DKK1: variants seen among roughly 807,000 people sequenced by gnomAD.
DKK1 encodes the protein dickkopf-related protein 1.
In DKK1, 18 loss-of-function variants were observed where a neutral mutation model predicts 26.0. The ratio of observed to expected loss-of-function variants is 0.69; its 90% CI spans 0.48 to 1.03. The LOEUF (loss-of-function observed/expected upper bound fraction) is 1.03, where lower values mean the gene tolerates loss of function less well. DKK1 is among the 50% of genes least tolerant of loss of function. The pLI, the probability that DKK1 is intolerant of heterozygous loss-of-function variation, is 0.00. For synonymous variants in DKK1, 130 were observed against 132.6 expected, an observed-to-expected ratio of 0.98 and a Z score of 0.13; for missense variants, 335 against 348.5, an observed-to-expected ratio of 0.96 and a Z score of 0.31.
chr10:52,315,409 G>A (rs1334115501), intron 2 of DKK1: 2 of 241,220 alleles, frequency 8.3e-6, no homozygotes, highest in Non-Finnish European at 1.6e-5. Context: ...GAGGTCAATT[G>A]AGAAGGGGGA....
intron 2 of DKK1, 56 bp downstream of exon 2, chr10:52,315,141 G>A: frequency 1.0e-6 from 1 of 957,632 alleles, no homozygotes; most frequent in Non-Finnish European, 1.4e-6. Flanking sequence ...GAGCGTCTAT[G>A]AATTGGGCGG....
intron 2 of DKK1, 70 bp downstream of exon 2, chr10:52,315,155 CG>C (rs1408824048): frequency 3.6e-3 from 13 of 3,644 alleles, no homozygotes; most frequent in African/African-American, 0.018. Context: ...TGGGCGGGGG[CG>C]GGGGGTTGGG....
At chr10:52,316,133 T>G (rs1423970554) in intron 2 of DKK1, among the ~76,000 whole-genome samples, 162 bp from the exon 3 acceptor site, 1 of 152,160 alleles carries the variant, frequency 6.6e-6, no homozygotes, top group Non-Finnish European at 1.5e-5. Flanking sequence ...ATCTGGAGAG[T>G]TTTGCATTAA....
In DKK1 at chr10:52,316,762, T is replaced by A. The variant is rs150770986; in HGVS notation, c.756T>A (p.His252Gln). 2.4e-5 allele frequency: 38 copies of A among 1,614,050 alleles called. No homozygotes were observed. The African/African-American group carries it at 4.4e-4, about 19-fold the overall frequency. Residue 252 changes from histidine (H) to glutamine (Q), a missense_variant, in exon 4 of 4, where the codon CAT (histidine) becomes CAA (glutamine). Physicochemically the swap from His to Gln is conservative, Grantham distance 24 (BLOSUM62 0). Coordinates refer to ENST00000373970, the MANE Select transcript of DKK1 (RefSeq NM_012242.4). ...CTTGCCGGATACAGAAAGATCACCA[T>A]CAAGCCAGTAATTCTTCTAGGCTTC... ...GLSCRIQKDH[H>Q]QASNSSRLHT... is the part of the protein sequence containing the mutation.
Position 52,314,921 on chromosome 10 carries a change from A to G in DKK1, c.244-2A>G. 1 of 1,515,998 alleles carries G rather than the reference A, an allele frequency of 6.6e-7. No homozygotes were observed. Among genetic ancestry groups the G allele is most frequent in the Non-Finnish European group, 8.9e-7 (1 of 1,127,086 alleles). 93.9% of individuals were successfully genotyped at this position (1,515,998 alleles called of 1,614,324 possible). A position where few individuals can be genotyped will look rare whatever the true frequency, so the allele number is the denominator to read the frequency against. Reference sequence around the variant, plus strand: ...CACCCTCTCCCCGAACCCTTCCCACAGCCGTACCCGTGCGCAGAGGACGAG... The same window carrying G: ...CACCCTCTCCCCGAACCCTTCCCACGGCCGTACCCGTGCGCAGAGGACGAG... On this transcript the variant is annotated splice_acceptor_variant, in intron 1 of 3. Transcript: ENST00000373970. LOFTEE classifies it high-confidence loss of function. This position sits in a 1 kb window ranked among gnomAD's most constrained non-coding sequence, Gnocchi z 5.7.
In DKK1 at chr10:52,314,306, A is replaced by T. The variant is rs1444045328; in HGVS notation, c.-129A>T. 5.0e-6 allele frequency: 7 copies of T among 1,393,302 alleles called. No homozygotes were observed. Among genetic ancestry groups the T allele is most frequent in the Non-Finnish European group, 6.8e-6 (7 of 1,021,900 alleles). The allele number at this position is 1,393,302 out of a possible 1,614,324, so 86.3% of individuals were successfully genotyped here. ...GCAGAGCTCTGTGCTCCCTGCAGTC[A>T]GGACTCTGGGACCGCAGGGGGCTCC... is the stretch of plus-strand genomic sequence containing the variant. On this transcript the variant is annotated 5_prime_UTR_variant, in exon 1 of 4. Coordinates refer to ENST00000373970, the MANE Select transcript of DKK1 (RefSeq NM_012242.4). This position sits in a 1 kb window ranked among gnomAD's most constrained non-coding sequence, Gnocchi z 5.7.
In DKK1 at chr10:52,314,609, G is replaced by T. The variant is rs756819696; in HGVS notation, c.175G>T (p.Ala59Ser). 1.2e-6 allele frequency: 2 copies of T among 1,613,352 alleles called. No individual in the cohort carries two copies. Among genetic ancestry groups the T allele is most frequent in the Non-Finnish European group, 1.7e-6 (2 of 1,179,980 alleles). ...LGGAAGHPGS[A>S]VSAAPGILYP... ...CGGCGCTGCGGGGCACCCAGGCTCT[G>T]CAGTCAGCGCCGCGCCGGGAATCCT... The change falls in exon 1 of 4, where the codon GCA (alanine) becomes TCA (serine). Residue 59 changes from alanine (A) to serine (S), a missense_variant. Physicochemically the swap from Ala to Ser is moderately conservative, Grantham distance 99. Coordinates refer to ENST00000373970, the MANE Select transcript of DKK1 (RefSeq NM_012242.4). This position sits in a 1 kb window ranked among gnomAD's most constrained non-coding sequence, Gnocchi z 5.7.
chr10:52,316,513 A>G lies in DKK1; in HGVS notation c.548-41A>G, dbSNP rs781505608. ...TTTAGTGAAACGATGCAGGTTTAAC[A>G]GTAACTATGTACTTTTTTCCTACTG... On this transcript the variant is annotated intron_variant, in intron 3 of 3. Coordinates refer to ENST00000373970, the MANE Select transcript of DKK1 (RefSeq NM_012242.4). The G allele has an allele frequency of 2.9e-5, 46 of 1,611,730 alleles. No individual in the cohort carries two copies. The South Asian group carries it at 4.1e-4, about 14-fold the overall frequency.
Position 52,316,705 on chromosome 10 carries a change from A to G in DKK1, c.699A>G (p.Ile233Met). Residue 233 changes from isoleucine (I) to methionine (M), a missense_variant, in exon 4 of 4, where the codon ATA (isoleucine) becomes ATG (methionine). Ile to Met is a conservative substitution (Grantham distance 10). Transcript: ENST00000373970. ...HRRKGSHGLE[I>M]FQRCYCGEGL... ...GAAAAGGCTCTCATGGACTAGAAAT[A>G]TTCCAGCGTTGTTACTGTGGAGAAG... is the stretch of plus-strand genomic sequence containing the variant. The G allele has an allele frequency of 6.2e-7, 1 of 1,614,180 alleles. No individual in the cohort carries two copies. The highest frequency in any genetic ancestry group is 8.5e-7 in the Non-Finnish European group (1 of 1,180,012).
At chr10:52,315,414 G>C (rs1304704347) in intron 2 of DKK1, 1 of 234,654 alleles carries the variant, frequency 4.3e-6, no homozygotes, top group East Asian at 8.5e-5. Context: ...CAATTGAGAA[G>C]GGGGATGATG....
chr10:52,314,728 T>A lies in DKK1; in HGVS notation c.243+51T>A. 6.3e-7 allele frequency: 1 copy of A among 1,594,854 alleles called. No homozygotes were observed. Among genetic ancestry groups the A allele is most frequent in the Non-Finnish European group, 8.6e-7 (1 of 1,169,398 alleles). ...ATGCTCTGACCTTGAAAGGGTCCTA[T>A]CTGGAGACGAGGGAGTAGAACGTGC... is the stretch of plus-strand genomic sequence containing the variant. On this transcript the variant is annotated intron_variant, in intron 1 of 3. Coordinates refer to ENST00000373970, the MANE Select transcript of DKK1 (RefSeq NM_012242.4). This position sits in a 1 kb window ranked among gnomAD's most constrained non-coding sequence, Gnocchi z 5.7.
At chr10:52,316,214 C>A in intron 2 of DKK1, 81 bp from the exon 3 acceptor site, 1 of 1,525,612 alleles carries the variant, frequency 6.6e-7, no homozygotes, top group South Asian at 1.2e-5. Context: ...TTGATGCTGG[C>A]ATAACAGACT....
chr10:52,314,835 G>C lies in DKK1; in HGVS notation c.244-88G>C. ...GTAACAGGTTTTGGAGAGGTGGACA[G>C]ATAAGGACTGTGATCAGCGCCCGGG... On this transcript the variant is annotated intron_variant, in intron 1 of 3. Transcript: ENST00000373970. The surrounding 1 kb of genome is among the most constrained non-coding windows in gnomAD (Gnocchi z 5.7). 6.8e-7 allele frequency: 1 copy of C among 1,467,804 alleles called. No individual in the cohort carries two copies. 90.9% of individuals were successfully genotyped at this position (1,467,804 alleles called of 1,614,324 possible). A position where few individuals can be genotyped will look rare whatever the true frequency, so the allele number is the denominator to read the frequency against.
intron 2 of DKK1, among the ~76,000 whole-genome samples, chr10:52,315,778 C>G (rs1842611018): frequency 1.3e-5 from 2 of 152,172 alleles, no homozygotes; most frequent in South Asian, 4.1e-4. Flanking sequence ...CGACGACCCT[C>G]CTTAGGACCC....
rs1028755596 is a variant in DKK1, at chr10:52,317,522, C to T, written c.*715C>T. The T allele has an allele frequency of 9.9e-5, 15 of 152,128 alleles. No homozygotes were observed. The highest frequency in any genetic ancestry group is 3.4e-4 in the African/African-American group (14 of 41,412). The allele number at this position is 152,128 out of a possible 1,614,324, so 9.4% of individuals were successfully genotyped here. The stretch of plus-strand genomic sequence containing the variant: ...GAAAAGACAGTGTCTAAATATAAGA[C>T]AATATTGATCAGCTCTAGAATAACT... On this transcript the variant is annotated 3_prime_UTR_variant, in exon 4 of 4. Transcript: ENST00000373970.
Position 52,316,563 on chromosome 10 carries a change from G to T in DKK1, c.557G>T (p.Gly186Val). ...SKMYHTKGQE[G>V]SVCLRSSDCA... ...GTCTTCTCCTTCGTAGGACAAGAAG[G>T]TTCTGTTTGTCTCCGGTCATCAGAC... Residue 186 changes from glycine (G) to valine (V), a missense_variant, in exon 4 of 4, where the codon GGT becomes GTT. Coordinates refer to ENST00000373970, the MANE Select transcript of DKK1 (RefSeq NM_012242.4). The T allele has an allele frequency of 1.2e-6, 2 of 1,613,952 alleles. No homozygotes were observed. Among genetic ancestry groups the T allele is most frequent in the East Asian group, 2.2e-5 (1 of 44,876 alleles).
chr10:52,316,708 C>G lies in DKK1; in HGVS notation c.702C>G (p.Phe234Leu), dbSNP rs766800032. The stretch of plus-strand genomic sequence containing the variant: ...AAGGCTCTCATGGACTAGAAATATT[C>G]CAGCGTTGTTACTGTGGAGAAGGTC... ...RRKGSHGLEI[F>L]QRCYCGEGLS... Residue 234 changes from phenylalanine (F) to leucine (L), a missense_variant, in exon 4 of 4, where the codon TTC becomes TTG. Physicochemically the swap from Phe to Leu is conservative, Grantham distance 22 (BLOSUM62 0). Transcript: ENST00000373970. 4.3e-6 allele frequency: 7 copies of G among 1,614,002 alleles called. No homozygotes were observed. Among genetic ancestry groups the G allele is most frequent in the South Asian group, 1.1e-5 (1 of 91,078 alleles).
At chr10:52,315,145 TGGGCGG>T (rs1404284709) in intron 2 of DKK1, 60 bp downstream of exon 2, 3 of 32,440 alleles carry the variant, frequency 9.2e-5, no homozygotes, top group African/African-American at 1.2e-3. Flanking sequence ...GTCTATGAAT[TGGGCGG>T]GGGCGGGGGG....
Position 52,314,706 on chromosome 10 carries a change from C to A in DKK1, c.243+29C>A. The A allele has an allele frequency of 1.9e-6, 3 of 1,607,568 alleles. No individual in the cohort carries two copies. Among genetic ancestry groups the A allele is most frequent in the Non-Finnish European group, 2.5e-6 (3 of 1,176,496 alleles). Reference sequence around the variant, plus strand: ...AGAGGGGTCGGGCACTCAGAGGATGCTCTGACCTTGAAAGGGTCCTATCTG... The same window carrying A: ...AGAGGGGTCGGGCACTCAGAGGATGATCTGACCTTGAAAGGGTCCTATCTG... On this transcript the variant is annotated intron_variant, in intron 1 of 3. Coordinates refer to ENST00000373970, the MANE Select transcript of DKK1 (RefSeq NM_012242.4). The surrounding 1 kb of genome is among the most constrained non-coding windows in gnomAD (Gnocchi z 5.7).
Sources: gnomAD v4.1 joint callset for allele counts (sites outside exome capture counted in the v4.1 genomes callset) on GRCh38, gnomAD v4.1.1 for gene constraint, Gnocchi (gnomAD v3.1) non-coding constraint, MANE v1.5 for transcripts, NCBI Gene and HGNC (gene_info 2026-07-23, HGNC 2026-07-21) for gene names.